ELF1: variants seen among roughly 807,000 people sequenced by gnomAD.
The protein encoded by ELF1 is ETS-related transcription factor Elf-1.
A neutral mutation model predicts 59.9 loss-of-function variants in ELF1; 24 were observed. The ratio of observed to expected loss-of-function variants is 0.40; its 90% CI spans 0.29 to 0.56. The LOEUF is 0.56. ELF1 is among the 20% of genes least tolerant of loss of function. The pLI is 0.44. For synonymous variants in ELF1, 248 were observed against 266.2 expected, an observed-to-expected ratio of 0.93 and a Z score of 0.67; for missense variants, 627 against 742.2, an observed-to-expected ratio of 0.84 and a Z score of 1.80.
At chr13:41,056,063 ATTAT>A (rs1315162145) in intron 1 of ELF1, among the ~76,000 whole-genome samples, 5 of 152,176 alleles carry the variant, frequency 3.3e-5, no homozygotes, top group African/African-American at 1.2e-4. Context: ...ACACTTCAAC[ATTAT>A]TTAGTGCATT....
chr13:41,047,070 C>T (rs1364319024), intron 1 of ELF1, among the ~76,000 whole-genome samples: 7 of 152,208 alleles, frequency 4.6e-5, no homozygotes, highest in Non-Finnish European at 7.3e-5. Context: ...TTGATCAAAT[C>T]GGCTACTGAA....
intron 1 of ELF1, among the ~76,000 whole-genome samples, chr13:41,008,117 A>G (rs1198823049): frequency 1.3e-5 from 2 of 152,206 alleles, no homozygotes; most frequent in East Asian, 3.8e-4. Flanking sequence ...ATATGTTTTT[A>G]ATATTCTGAG....
chr13:40,946,231 T>A (rs188991912), intron 5 of ELF1, among the ~76,000 whole-genome samples: 49 of 152,352 alleles, frequency 3.2e-4, no homozygotes, highest in African/African-American at 1.2e-3. Flanking sequence ...TTTTATTTTT[T>A]AAGCAGCTTT....
intron 3 of ELF1, among the ~76,000 whole-genome samples, chr13:40,952,439 G>A (rs1187409087): frequency 1.3e-5 from 2 of 151,240 alleles, no homozygotes; most frequent in East Asian, 3.9e-4. Context: ...ATAGCTCACT[G>A]CAACCATAAA....
At chr13:40,951,274 G>A in intron 4 of ELF1, 55 bp downstream of exon 4, 1 of 1,339,706 alleles carries the variant, frequency 7.5e-7, no homozygotes, top group Non-Finnish European at 1.0e-6. Flanking sequence ...AATAAAGAAA[G>A]ATGGCAAGAG....
At chr13:40,951,645 C>G (rs1456970310) in intron 3 of ELF1, 3 of 335,018 alleles carry the variant, frequency 9.0e-6, no homozygotes, top group Non-Finnish European at 1.6e-5. Flanking sequence ...CCGAGGCAAG[C>G]AGATTGCTTG....
intron 1 of ELF1, among the ~76,000 whole-genome samples, chr13:41,055,263 C>G (rs1172005750): frequency 6.6e-6 from 1 of 152,006 alleles, no homozygotes; most frequent in Non-Finnish European, 1.5e-5. Context: ...CACTACAGAC[C>G]CTAATCTATT....
upstream of ELF1, among the ~76,000 whole-genome samples, chr13:41,021,738 T>C (rs970143030): frequency 4.6e-5 from 7 of 152,126 alleles, no homozygotes; most frequent in African/African-American, 9.7e-5. Context: ...AACTCAAAAA[T>C]AGGAAAACAA....
chr13:40,933,292 G>T lies in ELF1; in HGVS notation c.*133C>A. 1 of 1,206,220 alleles carries T rather than the reference G, an allele frequency of 8.3e-7. No homozygotes were observed. The highest frequency in any genetic ancestry group is 1.1e-6 in the Non-Finnish European group (1 of 891,178). The allele number at this position is 1,206,220 out of a possible 1,614,324, so 74.7% of individuals were successfully genotyped here. On this transcript the variant is annotated 3_prime_UTR_variant, in exon 9 of 9. Transcript: ENST00000239882. ...GAGTTTTCCTCCCTCATCTAACAAA[G>T]TCAAAATTAACTCTATTTTTAACAA...
chr13:40,995,740 T>C (rs1874097200), intron 1 of ELF1, among the ~76,000 whole-genome samples: 1 of 145,874 alleles, frequency 6.9e-6, no homozygotes, highest in Non-Finnish European at 1.5e-5. Flanking sequence ...CAAACCTAAA[T>C]GGAAAATAGG....
upstream of ELF1, among the ~76,000 whole-genome samples, chr13:41,023,753 G>A (rs1359053003): frequency 6.6e-6 from 1 of 152,088 alleles, no homozygotes; most frequent in Non-Finnish European, 1.5e-5. Flanking sequence ...GTATTTTCAG[G>A]GGCTTATCAA....
chr13:40,967,632 G>A (rs189283514), intron 2 of ELF1, among the ~76,000 whole-genome samples: 3 of 152,146 alleles, frequency 2.0e-5, no homozygotes, highest in Admixed American at 6.5e-5. Flanking sequence ...TTGCTCTGTC[G>A]CCTCGCTGGA....
chr13:40,974,497 T>C (rs898783783), intron 2 of ELF1, among the ~76,000 whole-genome samples: 2 of 152,152 alleles, frequency 1.3e-5, no homozygotes, highest in Non-Finnish European at 2.9e-5. Context: ...TAGTGAGAAT[T>C]AGGAGCACCT....
intron 2 of ELF1, among the ~76,000 whole-genome samples, chr13:40,966,760 G>A (rs922622105): frequency 3.9e-5 from 6 of 152,160 alleles, no homozygotes; most frequent in African/African-American, 1.4e-4. Flanking sequence ...TATGGTGATT[G>A]TGAAACATCC....
At chr13:40,949,060 A>T (rs1593355077) in intron 5 of ELF1, among the ~76,000 whole-genome samples, 1 of 152,002 alleles carries the variant, frequency 6.6e-6, no homozygotes, top group Non-Finnish European at 1.5e-5. Flanking sequence ...GTCTCAGCTC[A>T]CTGTAACCTC....
intron 1 of ELF1, among the ~76,000 whole-genome samples, chr13:40,989,370 AT>A (rs1255451434): frequency 6.6e-6 from 1 of 152,182 alleles, no homozygotes; most frequent in Admixed American, 6.5e-5. Context: ...GAAAAAGAAA[AT>A]GTTTCTATAC....
At chr13:40,969,921 A>G (rs1872423037) in intron 2 of ELF1, among the ~76,000 whole-genome samples, 1 of 152,144 alleles carries the variant, frequency 6.6e-6, no homozygotes, top group African/African-American at 2.4e-5. Context: ...CCGGGCTGGT[A>G]AAGTTGAAAA....
chr13:40,956,571 CAAAAAAAA>C (rs34245662), intron 3 of ELF1, among the ~76,000 whole-genome samples: 10 of 76,146 alleles, frequency 1.3e-4, no homozygotes, highest in African/African-American at 2.3e-4. Flanking sequence ...CAAGAATGAT[CAAAAAAAA>C]AAAAAAAAAA....
At chr13:40,953,081 A>G (rs1419887838) in intron 3 of ELF1, among the ~76,000 whole-genome samples, 1 of 150,784 alleles carries the variant, frequency 6.6e-6, no homozygotes, top group African/African-American at 2.4e-5. Flanking sequence ...GATTCAAGCG[A>G]TTCTCCTGCC....
Sources: allele counts gnomAD v4.1 joint callset (sites outside exome capture counted in the v4.1 genomes callset), GRCh38; gene constraint gnomAD v4.1.1; transcripts MANE v1.5; gene names NCBI Gene and HGNC (gene_info 2026-07-23, HGNC 2026-07-21).